The following ADAMTSL2 variants were observed in gnomAD, a reference collection of about 807,000 sequenced individuals.
ADAMTSL2 encodes ADAMTS like 2, also known as ADAMTS-like protein 2.
ADAMTSL2 carries 55 observed loss-of-function variants against 117.0 expected under a neutral mutation model. The observed-to-expected ratio is 0.47, with a 90% confidence interval of 0.38 to 0.59. The LOEUF (loss-of-function observed/expected upper bound fraction) is 0.59. Ranked by LOEUF, ADAMTSL2 falls within the 20% of genes least tolerant of loss-of-function variation. ADAMTSL2 has a pLI of 0.00. For synonymous variants in ADAMTSL2, 572 were observed against 566.4 expected (o/e 1.01, Z -0.14); for missense variants, 1,182 against 1,354.5 (o/e 0.87, Z 2.00).
chr9:133,566,938 G>A lies in ADAMTSL2; in HGVS notation c.1750G>A (p.Val584Ile). 2 of 1,607,038 alleles carry A rather than the reference G, an allele frequency of 1.2e-6. No individual in the cohort carries two copies. The highest frequency in any genetic ancestry group is 1.7e-6 in the Non-Finnish European group (2 of 1,177,340). The change falls in exon 13 of 19, where the codon GTC becomes ATC. Residue 584 changes from valine to isoleucine, a missense_variant and splice_region_variant. Physicochemically the swap from Val to Ile is conservative, Grantham distance 29. Coordinates refer to ENST00000651351, the MANE Select transcript of ADAMTSL2 (RefSeq NM_014694.4). ...ACCCACCCCTGTCCCCAACCCAGGG[G>A]TCATGTCTGCGTACGCCATGTGTGT... is the stretch of plus-strand genomic sequence containing the variant. ...EPCSATCTTGVMSAYAMCVRY... is the reference protein window; with the variant it reads ...EPCSATCTTGIMSAYAMCVRY...
chr9:133,574,904 C>A lies in ADAMTSL2; in HGVS notation c.*40C>A. On this transcript the variant is annotated 3_prime_UTR_variant, in exon 19 of 19. Coordinates refer to ENST00000651351, the MANE Select transcript of ADAMTSL2 (RefSeq NM_014694.4). ...GCCCCTTCCAGATGAAGACCAAGCG[C>A]CCCTCCTGGGGCTGCTGCAGCTTCT... The A allele has an allele frequency of 6.5e-7, 1 of 1,538,452 alleles. No individual in the cohort carries two copies. The highest frequency in any genetic ancestry group is 9.0e-7 in the Non-Finnish European group (1 of 1,112,586).
chr9:133,557,885 T>C lies in ADAMTSL2; in HGVS notation c.1649+1955T>C, dbSNP rs1185661858. On this transcript the variant is annotated intron_variant, in intron 11 of 18. Coordinates refer to ENST00000651351, the MANE Select transcript of ADAMTSL2 (RefSeq NM_014694.4). This position sits in a 1 kb window ranked among gnomAD's most constrained non-coding sequence, Gnocchi z 5.2. Reference sequence around the variant, plus strand: ...CCGAGGCCTCGCTGTGGAATTTGGCTTAAGGCATGGACACTGTGTGAGTTG... The same window carrying C: ...CCGAGGCCTCGCTGTGGAATTTGGCCTAAGGCATGGACACTGTGTGAGTTG... 1.3e-5 allele frequency among the ~76,000 whole-genome samples: 2 copies of C among 152,178 alleles called. No individual in the cohort carries two copies. The highest frequency in any genetic ancestry group is 2.9e-5 in the Non-Finnish European group (2 of 68,026).
chr9:133,543,491 G>T (rs1424359207), intron 7 of ADAMTSL2, among the ~76,000 whole-genome samples: 1 of 152,230 alleles, frequency 6.6e-6, no homozygotes, highest in Non-Finnish European at 1.5e-5. Flanking sequence ...CACAGCTCCT[G>T]TTCCCCTGTG....
chr9:133,561,256 C>T lies in ADAMTSL2; in HGVS notation c.1708C>T (p.Leu570Phe). Residue 570 changes from leucine to phenylalanine, a missense_variant, in exon 12 of 19, where the codon CTC (leucine) becomes TTC (phenylalanine). Coordinates refer to ENST00000651351, the MANE Select transcript of ADAMTSL2 (RefSeq NM_014694.4). ...VSPADMYRWK[L>F]SSHEPCSATC... ...TCCCGCGGACATGTACCGGTGGAAG[C>T]TCTCGTCCCACGAGCCCTGCAGTGC... is the stretch of plus-strand genomic sequence containing the variant. 1.2e-6 allele frequency: 2 copies of T among 1,607,066 alleles called. No individual in the cohort carries two copies. Among genetic ancestry groups the T allele is most frequent in the South Asian group, 2.2e-5 (2 of 89,492 alleles).
intron 9 of ADAMTSL2, among the ~76,000 whole-genome samples, chr9:133,550,362 C>A (rs1412053434): frequency 6.6e-6 from 1 of 152,246 alleles, no homozygotes; most frequent in Non-Finnish European, 1.5e-5. Context: ...ATCAGGCTGG[C>A]ATTTCTGGGT....
Position 133,575,214 on chromosome 9 carries a change from G to A in ADAMTSL2, c.*350G>A, listed in dbSNP as rs1009796720. The A allele has an allele frequency of 2.1e-5, 7 of 337,062 alleles. No individual in the cohort carries two copies. Among genetic ancestry groups the A allele is most frequent in the South Asian group, 1.8e-4 (6 of 32,568 alleles). The allele number at this position is 337,062 out of a possible 1,614,324, so 20.9% of individuals were successfully genotyped here. On this transcript the variant is annotated 3_prime_UTR_variant, in exon 19 of 19. Transcript: ENST00000651351. ...GCCAGCGGTGGAGGTGTCTTGCTCC[G>A]GGCCCGTAGCCCACGCCCTCTCTGG...
At chr9:133,546,726 T>C (rs1830356744) in intron 8 of ADAMTSL2, among the ~76,000 whole-genome samples, 1 of 152,182 alleles carries the variant, frequency 6.6e-6, no homozygotes, top group Admixed American at 6.5e-5. Flanking sequence ...TTGGTTGTGG[T>C]GCGACCTCAT....
In ADAMTSL2 at chr9:133,544,537, C is replaced by G; in HGVS notation, c.750C>G (p.Ser250=). The change falls in exon 8 of 19, where the codon TCC becomes TCG. Residue 250 remains serine, a synonymous_variant. Coordinates refer to ENST00000651351, the MANE Select transcript of ADAMTSL2 (RefSeq NM_014694.4). ...TCCAGATTGTAGAGAGGAAGAAGTCCGCTGACGTGCTAGGTGGGTACGCAG... is the reference window on the plus strand; with the variant it reads ...TCCAGATTGTAGAGAGGAAGAAGTCGGCTGACGTGCTAGGTGGGTACGCAG... ...RDIQIVERKK[S]ADVLALADEA... The G allele has an allele frequency of 1.9e-6, 3 of 1,614,050 alleles. No individual in the cohort carries two copies. The highest frequency in any genetic ancestry group is 2.5e-6 in the Non-Finnish European group (3 of 1,179,932).
chr9:133,549,645 A>G (rs1232659920), intron 9 of ADAMTSL2, among the ~76,000 whole-genome samples: 5 of 42,544 alleles, frequency 1.2e-4, no homozygotes, highest in Non-Finnish European at 2.4e-4. Flanking sequence ...TCAGCCTCTC[A>G]TAGTGCTTGG....
At position 133,570,421 on chromosome 9, in the gene ADAMTSL2, G is replaced by A. The variant is rs886063646; in HGVS notation, c.2506G>A (p.Glu836Lys). 7 of 1,601,716 alleles carry A rather than the reference G, an allele frequency of 4.4e-6. No individual in the cohort carries two copies. The highest frequency in any genetic ancestry group is 6.0e-6 in the Non-Finnish European group (7 of 1,175,006). The part of the protein sequence containing the change: ...NGKPQTRSGP[E>K]CGLAKKPPEE... Reference sequence around the variant, plus strand: ...GAAGCCGCAGACGCGCAGTGGCCCCGAGTGCGGGCTCGCCAAGAAGCCTCC... The same window carrying A: ...GAAGCCGCAGACGCGCAGTGGCCCCAAGTGCGGGCTCGCCAAGAAGCCTCC... Residue 836 changes from glutamate (E) to lysine (K), a missense_variant, in exon 17 of 19, where the codon GAG (glutamate) becomes AAG (lysine). Around this residue, in one of 3 missense-constraint regions of ADAMTSL2, gnomAD observed 465 missense variants for 565.3 expected, o/e 0.82. Coordinates refer to ENST00000651351, the MANE Select transcript of ADAMTSL2 (RefSeq NM_014694.4).
chr9:133,560,983 T>C (rs888625591), intron 11 of ADAMTSL2, among the ~76,000 whole-genome samples: 5 of 152,180 alleles, frequency 3.3e-5, no homozygotes, highest in African/African-American at 1.2e-4. Flanking sequence ...TGCCAATCAA[T>C]CCTAAAATGT....
At chr9:133,543,376 A>C (rs1046712964) in intron 7 of ADAMTSL2, among the ~76,000 whole-genome samples, 6 of 152,214 alleles carry the variant, frequency 3.9e-5, no homozygotes, top group Non-Finnish European at 7.3e-5. Flanking sequence ...AGAAGGGGAA[A>C]AATGTTTTAA....
rs1218028921 is a variant in ADAMTSL2 at position 133,540,862 on chromosome 9, C to G, written c.559-16C>G. ...CAGCGCCCTCCCAGCAGCCCTCTCCCTCTCCCTTCCTGCAGCCCATCGGCT... is the reference window on the plus strand; with the variant it reads ...CAGCGCCCTCCCAGCAGCCCTCTCCGTCTCCCTTCCTGCAGCCCATCGGCT... On this transcript the variant is annotated splice_polypyrimidine_tract_variant and intron_variant, in intron 6 of 18. Coordinates refer to ENST00000651351, the MANE Select transcript of ADAMTSL2 (RefSeq NM_014694.4). 1.2e-6 allele frequency: 2 copies of G among 1,613,392 alleles called. No homozygotes were observed. The highest frequency in any genetic ancestry group is 1.7e-6 in the Non-Finnish European group (2 of 1,179,988).
At position 133,555,709 on chromosome 9, in the gene ADAMTSL2, G is replaced by C. The variant is rs2131141547; in HGVS notation, c.1428G>C (p.Glu476Asp). ...GSDLKDFTLN[E>D]TVNSIFAQGA... Reference sequence around the variant, plus strand: ...ACTTGAAGGACTTCACCCTCAATGAGACTGTGAACAGCATCTTTGCACAGG... The same window carrying C: ...ACTTGAAGGACTTCACCCTCAATGACACTGTGAACAGCATCTTTGCACAGG... The change falls in exon 11 of 19, where the codon GAG becomes GAC. Residue 476 changes from glutamate to aspartate, a missense_variant. By Grantham distance (45) the Glu-to-Asp change is conservative. This residue lies in a region of ADAMTSL2 where 345 missense variants were observed against 325.8 expected (regional missense o/e 1.06). Coordinates refer to ENST00000651351, the MANE Select transcript of ADAMTSL2 (RefSeq NM_014694.4). 2.5e-6 allele frequency: 4 copies of C among 1,614,016 alleles called. No homozygotes were observed. In the East Asian group the frequency reaches 8.9e-5, roughly 36 times the overall value.
intron 8 of ADAMTSL2, 79 bp from the exon 9 acceptor site, chr9:133,546,958 TG>T: frequency 7.0e-7 from 1 of 1,426,296 alleles, no homozygotes; most frequent in Non-Finnish European, 9.9e-7. Context: ...GCAGGGCTGG[TG>T]GTGGTTCCCT....
chr9:133,540,277 C>T (rs566707128), intron 5 of ADAMTSL2, among the ~76,000 whole-genome samples: 4 of 152,336 alleles, frequency 2.6e-5, no homozygotes, highest in Admixed American at 6.5e-5. Flanking sequence ...CCCGCAAGGG[C>T]CAGGGCTGGG....
At chr9:133,565,920 C>G (rs1445768169) in intron 12 of ADAMTSL2, among the ~76,000 whole-genome samples, 1 of 152,164 alleles carries the variant, frequency 6.6e-6, no homozygotes, top group African/African-American at 2.4e-5. Context: ...CAAGGCCGTT[C>G]CCACTGCTGC....
At chr9:133,535,109 C>T (rs1188622432) in intron 1 of ADAMTSL2, among the ~76,000 whole-genome samples, 192 bp downstream of exon 1, 1 of 152,126 alleles carries the variant, frequency 6.6e-6, no homozygotes, top group African/African-American at 2.4e-5. Flanking sequence ...CTTGTGCGCC[C>T]GGAGCTCTGT....
intron 7 of ADAMTSL2, 151 bp from the exon 8 acceptor site, chr9:133,544,319 G>T: frequency 1.3e-6 from 1 of 749,462 alleles, no homozygotes; most frequent in East Asian, 2.6e-5. Context: ...GCAATGGGAC[G>T]GGGCTGAGCT....
Sources: allele counts gnomAD v4.1 joint callset (sites outside exome capture counted in the v4.1 genomes callset), GRCh38; gene constraint gnomAD v4.1.1; regional missense constraint gnomAD v4.1.1; non-coding constraint Gnocchi (gnomAD v3.1); transcripts MANE v1.5; gene names NCBI Gene and HGNC (gene_info 2026-07-23, HGNC 2026-07-21).